Variants in LRRTM4 observed in about 807,000 individuals in gnomAD.
LRRTM4 encodes leucine rich repeat transmembrane neuronal 4.
Under a neutral mutation model 47.6 loss-of-function variants are expected in LRRTM4, and 25 were observed. The observed-to-expected ratio is 0.53, with a 90% confidence interval of 0.38 to 0.73. The LOEUF is 0.73. LRRTM4 is among the 30% of genes least tolerant of loss of function. LRRTM4 has a pLI of 0.00. For missense variants in LRRTM4, 638 were observed against 713.4 expected, an observed-to-expected ratio of 0.89 and a Z score of 1.20; for synonymous variants, 311 against 269.5, an observed-to-expected ratio of 1.15 and a Z score of -1.51.
rs558494232 is a variant in LRRTM4 at position 77,415,353 on chromosome 2, C to T, written c.1551+102965G>A. ...CAGGCTCTACCCTATAATATATCTG[C>T]CAGTTGAAAGTTGCTTTCTACTCTT... On this transcript the variant is annotated intron_variant, in intron 3 of 3. Transcript: ENST00000409884. 3.3e-5 allele frequency among the ~76,000 whole-genome samples: 5 copies of T among 152,176 alleles called. No homozygotes were observed. In the East Asian group the frequency reaches 9.7e-4, roughly 29 times the overall value.
intron 3 of LRRTM4, among the ~76,000 whole-genome samples, chr2:77,491,755 CA>C (rs1208122451): frequency 6.6e-6 from 1 of 151,674 alleles, no homozygotes; most frequent in Non-Finnish European, 1.5e-5. Flanking sequence ...GTCCTTTTCT[CA>C]GGCAGTGGGA....
At chr2:77,386,949 A>T (rs1047205822) in intron 3 of LRRTM4, among the ~76,000 whole-genome samples, 6 of 152,142 alleles carry the variant, frequency 3.9e-5, no homozygotes, top group African/African-American at 1.4e-4. Context: ...ACTTAAAAAA[A>T]ATAAAGTTGG....
At chr2:76,813,827 C>G (rs1393260462) in intron 3 of LRRTM4, among the ~76,000 whole-genome samples, 1 of 152,166 alleles carries the variant, frequency 6.6e-6, no homozygotes. Context: ...GTATTGCACA[C>G]CCAATTTCAC....
intron 3 of LRRTM4, among the ~76,000 whole-genome samples, chr2:76,807,557 AT>A (rs201383788): frequency 0.025 from 3,682 of 146,200 alleles, 177 homozygotes; most frequent in African/African-American, 0.076. Flanking sequence ...CATAATCATG[AT>A]TTTCTATTTA....
chr2:76,856,299 A>T (rs76452471), intron 3 of LRRTM4, among the ~76,000 whole-genome samples: 5 of 151,020 alleles, frequency 3.3e-5, no homozygotes, highest in Admixed American at 6.6e-5. Flanking sequence ...AGAGAGAGAT[A>T]AAAAAAAGTA....
At chr2:77,383,953 T>A (rs1673159809) in intron 3 of LRRTM4, among the ~76,000 whole-genome samples, 1 of 152,134 alleles carries the variant, frequency 6.6e-6, no homozygotes, top group South Asian at 2.1e-4. Context: ...GCTGTACTCT[T>A]TCAGAGCTTA....
rs531304934 is a variant in LRRTM4, at chr2:77,442,507, A to G, written c.1551+75811T>C. On this transcript the variant is annotated intron_variant, in intron 3 of 3. Coordinates refer to ENST00000409884, the MANE Select transcript of LRRTM4 (RefSeq NM_001134745.3). Reference sequence around the variant, plus strand: ...TGATTTATACCACCTACAAATTGGCATGGTGATTACATTATCACATTCTAC... The same window carrying G: ...TGATTTATACCACCTACAAATTGGCGTGGTGATTACATTATCACATTCTAC... 5.3e-5 allele frequency among the ~76,000 whole-genome samples: 8 copies of G among 152,346 alleles called. No individual in the cohort carries two copies. The South Asian group carries it at 8.3e-4, about 16-fold the overall frequency.
chr2:77,303,851 T>C (rs927055089), intron 3 of LRRTM4, among the ~76,000 whole-genome samples: 2 of 152,174 alleles, frequency 1.3e-5, no homozygotes, highest in African/African-American at 4.8e-5. Context: ...TTTATCCATT[T>C]ATCTGTTGAC....
chr2:76,810,802 G>A (rs1014475503), intron 3 of LRRTM4, among the ~76,000 whole-genome samples: 2 of 152,106 alleles, frequency 1.3e-5, no homozygotes, highest in African/African-American at 4.8e-5. Context: ...ATAAAAGCAT[G>A]GAGATTACCT....
In LRRTM4 at chr2:77,519,570, A is replaced by G. The variant is rs1679394067; in HGVS notation, c.299T>C (p.Val100Ala). 1 of 1,613,350 alleles carries G rather than the reference A, an allele frequency of 6.2e-7. No individual in the cohort carries two copies. The highest frequency in any genetic ancestry group is 1.3e-5 in the African/African-American group (1 of 74,870). Reference protein sequence around the residue: ...LYLDHNYISSVDEDAFQGIRR... With the variant: ...LYLDHNYISSADEDAFQGIRR... ...GATCCCTTGAAATGCATCTTCATCC[A>G]CTGAGCTAATGTAATTATGGTCAAG... The change falls in exon 3 of 4, where the codon GTG (valine) becomes GCG (alanine). Residue 100 changes from valine to alanine, a missense_variant. Val to Ala is a moderately conservative substitution (Grantham distance 64, BLOSUM62 0). Transcript: ENST00000409884. This position sits in a 1 kb window ranked among gnomAD's most constrained non-coding sequence, Gnocchi z 4.6.
chr2:77,194,704 T>G (rs1005581022), intron 3 of LRRTM4, among the ~76,000 whole-genome samples: 1 of 152,046 alleles, frequency 6.6e-6, no homozygotes, highest in Non-Finnish European at 1.5e-5. Flanking sequence ...CACCTCTTAT[T>G]AGCAGACTCT....
chr2:77,187,975 TTTG>T (rs1298472707), intron 3 of LRRTM4, among the ~76,000 whole-genome samples: 4 of 152,168 alleles, frequency 2.6e-5, no homozygotes, highest in African/African-American at 4.8e-5. Context: ...TGTTCTATAT[TTTG>T]TTATCTTTTT....
At chr2:77,177,858 T>C (rs572076050) in intron 3 of LRRTM4, among the ~76,000 whole-genome samples, 68 of 152,300 alleles carry the variant, frequency 4.5e-4, no homozygotes, top group Middle Eastern at 6.8e-3. Flanking sequence ...AGACCTTCTT[T>C]ATGGTTCCCT....
intron 3 of LRRTM4, among the ~76,000 whole-genome samples, chr2:77,323,957 A>G (rs757357125): frequency 2.6e-5 from 4 of 152,156 alleles, no homozygotes; most frequent in Non-Finnish European, 5.9e-5. Context: ...AAAATTACCT[A>G]TATAATAATT....
chr2:76,823,997 A>G (rs1442596740), intron 3 of LRRTM4, among the ~76,000 whole-genome samples: 29 of 149,304 alleles, frequency 1.9e-4, no homozygotes, highest in Admixed American at 1.9e-3. Flanking sequence ...TCAGTGACAG[A>G]GAGAAATTTG....
At chr2:77,038,912 G>T (rs1333098405) in intron 3 of LRRTM4, among the ~76,000 whole-genome samples, 1 of 151,232 alleles carries the variant, frequency 6.6e-6, no homozygotes, top group East Asian at 1.9e-4. Flanking sequence ...TACACTTGTG[G>T]CATTGCTCTT....
At chr2:77,300,326 T>C (rs966601906) in intron 3 of LRRTM4, among the ~76,000 whole-genome samples, 4 of 152,194 alleles carry the variant, frequency 2.6e-5, no homozygotes, top group Non-Finnish European at 4.4e-5. Flanking sequence ...TTAATGCTAC[T>C]ATCTAGGTGA....
At chr2:77,101,874 AT>A (rs1320350650) in intron 3 of LRRTM4, among the ~76,000 whole-genome samples, 3 of 151,932 alleles carry the variant, frequency 2.0e-5, no homozygotes, top group African/African-American at 7.3e-5. Context: ...TTGCTATTCT[AT>A]TCCCAGTTTT....
intron 3 of LRRTM4, among the ~76,000 whole-genome samples, chr2:76,755,663 G>A (rs1349716429): frequency 6.6e-6 from 1 of 152,124 alleles, no homozygotes; most frequent in Non-Finnish European, 1.5e-5. Context: ...GAAAAATGCA[G>A]AGTTTTGAGC....
Sources: gnomAD v4.1 joint callset for allele counts (sites outside exome capture counted in the v4.1 genomes callset) on GRCh38, gnomAD v4.1.1 for gene constraint, Gnocchi (gnomAD v3.1) non-coding constraint, MANE v1.5 for transcripts, NCBI Gene and HGNC (gene_info 2026-07-23, HGNC 2026-07-21) for gene names.